PPT1: variants seen among roughly 807,000 people sequenced by gnomAD.
PPT1 encodes the protein ceroid-palmitoyl-palmitoyl-protein thioesterase 1.
Under a neutral mutation model 44.0 loss-of-function variants are expected in PPT1, and 24 were observed. That is an observed-to-expected ratio of 0.54 (90% CI 0.39 to 0.77). The LOEUF is 0.77. PPT1 is among the 30% of genes least tolerant of loss of function. PPT1 has a pLI of 0.00. For synonymous variants in PPT1, 148 were observed against 140.2 expected (o/e 1.06, Z -0.39); for missense variants, 341 against 378.8 (o/e 0.90, Z 0.83).
At position 40,076,917 on chromosome 1, in the gene PPT1, CAGA is replaced by C; in HGVS notation, c.727-7_727-5del. 6.2e-7 allele frequency: 1 copy of C among 1,614,088 alleles called. No homozygotes were observed. Among genetic ancestry groups the C allele is most frequent in the Non-Finnish European group, 8.5e-7 (1 of 1,179,972 alleles). On this transcript the variant is annotated splice_polypyrimidine_tract_variant and splice_region_variant and intron_variant, in intron 7 of 8. Transcript: ENST00000642050. ...CACTTCTGTAAAATCCAAACCACTG[CAGA>C]AGAAGCAAAGGAAAGAAGCTCAGAT...
At chr1:40,089,606 A>T (rs747584930) in intron 4 of PPT1, 94 bp from the exon 5 acceptor site, 8 of 886,280 alleles carry the variant, frequency 9.0e-6, no homozygotes, top group Admixed American at 1.8e-5. Flanking sequence ...AATGAACAGG[A>T]CCAAACTCTG....
chr1:40,081,388 T>A (rs1307497798), intron 5 of PPT1, among the ~76,000 whole-genome samples: 3 of 151,554 alleles, frequency 2.0e-5, no homozygotes, highest in Admixed American at 2.0e-4. Context: ...ATACAAAAAT[T>A]AGCCAGGCAC....
chr1:40,074,248 A>G, intron 8 of PPT1, 65 bp from the exon 9 acceptor site: 1 of 1,590,054 alleles, frequency 6.3e-7, no homozygotes, highest in Non-Finnish European at 8.6e-7. Context: ...AATGGTAAGT[A>G]CGTTAACTTG....
intron 5 of PPT1, among the ~76,000 whole-genome samples, chr1:40,087,929 T>C (rs1280428710): frequency 2.0e-5 from 3 of 151,022 alleles, no homozygotes; most frequent in African/African-American, 4.8e-5. Flanking sequence ...GCTATTTGTG[T>C]AGCCAACGAG....
chr1:40,089,656 AACTAAT>A lies in PPT1; in HGVS notation c.434-150_434-145del, dbSNP rs2124484586. ...TTCCTCATGAAAATAAAGCGCAGAG[AACTAAT>A]ACTATCACCAGCTTCCTCCTGGTGC... On this transcript the variant is annotated intron_variant, in intron 4 of 8. Coordinates refer to ENST00000642050, the MANE Select transcript of PPT1 (RefSeq NM_000310.4). The A allele has an allele frequency of 8.5e-6, 6 of 705,226 alleles. No individual in the cohort carries two copies. In the South Asian group the frequency reaches 9.0e-5, roughly 11 times the overall value. The allele number at this position is 705,226 out of a possible 1,614,324, so 43.7% of individuals were successfully genotyped here. A position where few individuals can be genotyped will look rare whatever the true frequency, so the allele number is the denominator to read the frequency against.
rs562388775 is a variant in PPT1 at position 40,097,011 on chromosome 1, T to G, written c.124+104A>C. The G allele has an allele frequency of 3.1e-5, 49 of 1,597,438 alleles. No individual in the cohort carries two copies. The African/African-American group carries it at 5.8e-4, about 19-fold the overall frequency. ...CTAAAATGTCGAGGCAGCCGCGTGC[T>G]GTGGGACCACGTCCTCGCCCTCTAC... On this transcript the variant is annotated intron_variant, in intron 1 of 8. Coordinates refer to ENST00000642050, the MANE Select transcript of PPT1 (RefSeq NM_000310.4).
chr1:40,074,023 T>A lies in PPT1; in HGVS notation c.*38A>T, dbSNP rs1648424131. 6.2e-7 allele frequency: 1 copy of A among 1,613,408 alleles called. No homozygotes were observed. Among genetic ancestry groups the A allele is most frequent in the South Asian group, 1.1e-5 (1 of 91,060 alleles). ...TGTCTCCCATGTGGTTTGGAAGAGT[T>A]AGGGGCTCCCTGAGCTCTATTGTGA... On this transcript the variant is annotated 3_prime_UTR_variant, in exon 9 of 9. Coordinates refer to ENST00000642050, the MANE Select transcript of PPT1 (RefSeq NM_000310.4).
chr1:40,096,812 G>C, intron 1 of PPT1: 1 of 433,862 alleles, frequency 2.3e-6, no homozygotes, highest in South Asian at 2.2e-5. Flanking sequence ...AGCTCACCTA[G>C]CCTGACCAAG....
At chr1:40,092,353 A>T (rs1217826507) in intron 2 of PPT1, 45 bp downstream of exon 2, 1 of 1,539,856 alleles carries the variant, frequency 6.5e-7, no homozygotes, top group African/African-American at 1.4e-5. Flanking sequence ...TATGCTATGA[A>T]ATCAGTCAGC....
In PPT1 at chr1:40,076,878, T is replaced by G. The variant is rs146002450; in HGVS notation, c.762A>C (p.Glu254Asp). Residue 254 changes from glutamate (E) to aspartate (D), a missense_variant, in exon 8 of 9, where the codon GAA (glutamate) becomes GAC (aspartate). Coordinates refer to ENST00000642050, the MANE Select transcript of PPT1 (RefSeq NM_000310.4). Reference sequence around the variant, plus strand: ...GGGAGGTCTCCTGTAAGGGAATGGTTTCCTTGGCTTGGCCACTTCTGTAAA... The same window carrying G: ...GGGAGGTCTCCTGTAAGGGAATGGTGTCCTTGGCTTGGCCACTTCTGTAAA... ...FGFYRSGQAKETIPLQETSLY... is the reference protein window; with the variant it reads ...FGFYRSGQAKDTIPLQETSLY... The G allele has an allele frequency of 5.6e-5, 90 of 1,614,048 alleles. No homozygotes were observed. The highest frequency in any genetic ancestry group is 7.2e-5 in the Non-Finnish European group (85 of 1,180,002).
Position 40,092,159 on chromosome 1 carries a change from C to T in PPT1, c.248G>A (p.Ser83Asn). Residue 83 changes from serine to asparagine, a missense_variant, in exon 3 of 9, where the codon AGC (serine) becomes AAC (asparagine). Transcript: ENST00000642050. The stretch of plus-strand genomic sequence containing the variant: ...TTGGGAATTGACATTCAAGAAGAAG[C>T]TGTTCTCCACGTCCTAAAAAAGAAG... ...GKTLMEDVEN[S>N]FFLNVNSQVT... The T allele has an allele frequency of 6.2e-7, 1 of 1,614,154 alleles. No individual in the cohort carries two copies. Among genetic ancestry groups the T allele is most frequent in the South Asian group, 1.1e-5 (1 of 91,084 alleles).
intron 5 of PPT1, among the ~76,000 whole-genome samples, chr1:40,084,726 A>C (rs944031963): frequency 1.3e-5 from 2 of 152,262 alleles, no homozygotes; most frequent in Admixed American, 6.5e-5. Context: ...TGTAGCAATT[A>C]TTCTTTATTC....
chr1:40,076,317 TAGCC>T (rs1648626384), intron 8 of PPT1, among the ~76,000 whole-genome samples: 2 of 151,744 alleles, frequency 1.3e-5, no homozygotes, highest in Non-Finnish European at 2.9e-5. Flanking sequence ...ATACAAAAAT[TAGCC>T]AGGTGTGATG....
chr1:40,088,143 C>CTT (rs869306144), intron 5 of PPT1, among the ~76,000 whole-genome samples: 53 of 139,706 alleles, frequency 3.8e-4, no homozygotes, highest in Admixed American at 5.0e-4. Flanking sequence ...ACCATCAAAA[C>CTT]TTTTTTTTTT....
downstream of PPT1, chr1:40,072,394 C>T (rs1648232940): frequency 3.8e-6 from 1 of 262,798 alleles, no homozygotes; most frequent in East Asian, 7.0e-5. Flanking sequence ...TGTCTAAGCA[C>T]CTGAACAGAG....
chr1:40,076,770 A>G, intron 8 of PPT1, 72 bp downstream of exon 8: 1 of 1,610,912 alleles, frequency 6.2e-7, no homozygotes, highest in Non-Finnish European at 8.5e-7. Context: ...CCAGCACCAA[A>G]GAACATAGCA....
In PPT1 at chr1:40,079,474, G is replaced by A. The variant is rs1388602766; in HGVS notation, c.628-816C>T. 3.9e-5 allele frequency among the ~76,000 whole-genome samples: 5 copies of A among 129,236 alleles called. No homozygotes were observed. The East Asian group carries it at 7.1e-4, about 18-fold the overall frequency. 84.8% of individuals were successfully genotyped at this position (129,236 alleles called of 152,430 possible). On this transcript the variant is annotated intron_variant, in intron 6 of 8. Transcript: ENST00000642050. ...TGCAGTGGCACCATCTCAGCTCACTGTAACCTCTGCCTCCCAGGTTCAAGC... is the reference window on the plus strand; with the variant it reads ...TGCAGTGGCACCATCTCAGCTCACTATAACCTCTGCCTCCCAGGTTCAAGC...
intron 5 of PPT1, among the ~76,000 whole-genome samples, chr1:40,081,491 C>A (rs1648935473): frequency 6.6e-6 from 1 of 152,000 alleles, no homozygotes. Context: ...GAGCCAAGAT[C>A]ACGCCATTGC....
intron 5 of PPT1, among the ~76,000 whole-genome samples, chr1:40,081,556 A>AAATC (rs1648940963): frequency 1.4e-5 from 1 of 69,580 alleles, no homozygotes; most frequent in Non-Finnish European, 3.1e-5. Context: ...ATAAATAAAT[A>AAATC]AATAAATAAA....
Sources: gnomAD v4.1 joint callset for allele counts (sites outside exome capture counted in the v4.1 genomes callset) on GRCh38, gnomAD v4.1.1 for gene constraint, MANE v1.5 for transcripts, NCBI Gene and HGNC (gene_info 2026-07-23, HGNC 2026-07-21) for gene names.